Variants in RGS6 observed in about 807,000 individuals in gnomAD.
RGS6 encodes regulator of G protein signaling 6, also known as regulator of G-protein signaling 6.
In RGS6, 30 loss-of-function variants were observed where a neutral mutation model predicts 78.5. That is an observed-to-expected ratio of 0.38 (90% CI 0.29 to 0.52). The LOEUF (loss-of-function observed/expected upper bound fraction) is 0.52, where lower values mean the gene tolerates loss of function less well. Among genes scored for constraint, RGS6 ranks in the 20% least tolerant of loss-of-function variants. The pLI, the probability that RGS6 is intolerant of heterozygous loss-of-function variation, is 0.85. For missense variants in RGS6, 495 were observed against 609.7 expected, an observed-to-expected ratio of 0.81 and a Z score of 1.98; for synonymous variants, 206 against 206.0, an observed-to-expected ratio of 1.00 and a Z score of 0.00.
intron 2 of RGS6, among the ~76,000 whole-genome samples, chr14:72,025,819 C>T (rs1241059121): frequency 6.6e-6 from 1 of 151,998 alleles, no homozygotes; most frequent in African/African-American, 2.4e-5. Flanking sequence ...TTAGGAAGAC[C>T]CAAAGCTAGT....
At chr14:72,522,304 C>G (rs921405802) in intron 15 of RGS6, among the ~76,000 whole-genome samples, 2 of 152,136 alleles carry the variant, frequency 1.3e-5, no homozygotes, top group Non-Finnish European at 2.9e-5. Context: ...TCATTTGAAC[C>G]TAATTACCTC....
intron 1 of RGS6, among the ~76,000 whole-genome samples, chr14:71,938,274 C>T (rs1004398639): frequency 2.6e-5 from 4 of 152,212 alleles, no homozygotes; most frequent in Non-Finnish European, 4.4e-5. Context: ...CTTCCAAGTC[C>T]CTGACCATCC....
chr14:72,088,734 T>G (rs550831744), intron 2 of RGS6, among the ~76,000 whole-genome samples: 131 of 152,296 alleles, frequency 8.6e-4, no homozygotes, highest in African/African-American at 3.0e-3. Flanking sequence ...ACACTTTTTA[T>G]CCTGCAGTAG....
chr14:71,875,618 G>T, the RGS6 span, among the ~76,000 whole-genome samples: 2 of 152,024 alleles, frequency 1.3e-5, no homozygotes, highest in Non-Finnish European at 2.9e-5. Flanking sequence ...TTGATTTTTT[G>T]AAGGGTTTTT....
intron 2 of RGS6, among the ~76,000 whole-genome samples, chr14:72,208,680 A>G (rs1455453187): frequency 6.6e-6 from 1 of 152,170 alleles, no homozygotes; most frequent in African/African-American, 2.4e-5. Flanking sequence ...TACCTTGACT[A>G]TTTCAGCATA....
At chr14:71,967,432 G>C (rs906415251) in intron 2 of RGS6, among the ~76,000 whole-genome samples, 8 of 152,104 alleles carry the variant, frequency 5.3e-5, no homozygotes, top group African/African-American at 1.9e-4. Context: ...CTACAACCAA[G>C]AACTTACTTG....
At chr14:71,951,535 C>A (rs774043907) in intron 1 of RGS6, among the ~76,000 whole-genome samples, 1 of 152,050 alleles carries the variant, frequency 6.6e-6, no homozygotes, top group Admixed American at 6.5e-5. Flanking sequence ...CAAACCTGCA[C>A]GTCCTGCACA....
intron 3 of RGS6, among the ~76,000 whole-genome samples, chr14:72,411,360 G>A (rs929276355): frequency 6.6e-6 from 1 of 151,568 alleles, no homozygotes; most frequent in Non-Finnish European, 1.5e-5. Context: ...CTCATGATTT[G>A]GCTGTTTGTC....
rs562886516 is a variant in RGS6 at position 72,482,052 on chromosome 14, C to T, written c.854+3723C>T. ...GTCTCGATCTCCTGACGTCGTGATC[C>T]GCCCGCCTCGGCCTCCCAAAGTGCT... On this transcript the variant is annotated intron_variant, in intron 12 of 17. Transcript: ENST00000553525. Among the ~76,000 whole-genome samples, 34 of 152,154 alleles carry T rather than the reference C, an allele frequency of 2.2e-4. No homozygotes were observed. In the South Asian group the frequency reaches 2.9e-3, roughly 13 times the overall value.
chr14:72,283,209 T>G (rs950365046), intron 2 of RGS6, among the ~76,000 whole-genome samples: 7 of 152,260 alleles, frequency 4.6e-5, no homozygotes, highest in African/African-American at 1.7e-4. Context: ...ATATCTTGAC[T>G]ATTGTGAAGA....
intron 2 of RGS6, among the ~76,000 whole-genome samples, chr14:72,052,965 CTTTCTTTCTTTCTTTCTT>C (rs1567105605): frequency 2.5e-4 from 11 of 44,064 alleles, no homozygotes; most frequent in Admixed American, 2.4e-3. Flanking sequence ...TTCTTTCTTT[CTTTCTTTCTTTCTTTCTT>C]TCTCTCTCTC....
At chr14:71,887,476 T>A in the RGS6 span, among the ~76,000 whole-genome samples, 32 of 152,154 alleles carry the variant, frequency 2.1e-4, no homozygotes, top group Admixed American at 7.2e-4. Context: ...CTAAATTCTT[T>A]TCCTAGCAAG....
chr14:72,327,414 A>G (rs2074047553), intron 2 of RGS6, among the ~76,000 whole-genome samples: 1 of 152,224 alleles, frequency 6.6e-6, no homozygotes, highest in South Asian at 2.1e-4. Flanking sequence ...CTTTCCCCCC[A>G]GAATTAAAGT....
At chr14:71,990,759 C>G (rs576528414) in intron 2 of RGS6, 1 of 456,044 alleles carries the variant, frequency 2.2e-6, no homozygotes, top group East Asian at 7.0e-5. Flanking sequence ...TATCCTCTCT[C>G]CAAACTCCAA....
At chr14:71,876,333 A>G in the RGS6 span, among the ~76,000 whole-genome samples, 1 of 152,144 alleles carries the variant, frequency 6.6e-6, no homozygotes, top group African/African-American at 2.4e-5. Flanking sequence ...ATGCTCCTGT[A>G]TTGGGTGCAT....
At chr14:72,059,011 C>A (rs977190544) in intron 2 of RGS6, among the ~76,000 whole-genome samples, 1 of 152,178 alleles carries the variant, frequency 6.6e-6, no homozygotes, top group African/African-American at 2.4e-5. Context: ...TCAACTGATT[C>A]TTGTGCCTCA....
At chr14:72,503,361 A>C (rs923669301) in intron 13 of RGS6, among the ~76,000 whole-genome samples, 8 of 152,340 alleles carry the variant, frequency 5.3e-5, no homozygotes, top group Non-Finnish European at 7.3e-5. Flanking sequence ...ATTCCATCTC[A>C]GTAGTCCCCG....
chr14:71,965,342 G>A (rs1295075931), intron 2 of RGS6, among the ~76,000 whole-genome samples: 1 of 152,254 alleles, frequency 6.6e-6, no homozygotes, highest in African/African-American at 2.4e-5. Context: ...AGATGTGCAA[G>A]TAGAGTGTTA....
intron 17 of RGS6, chr14:72,541,611 C>T (rs2097328395): frequency 6.5e-7 from 1 of 1,535,490 alleles, no homozygotes; most frequent in African/African-American, 1.4e-5. Flanking sequence ...CCATGATGGC[C>T]TGAGAGAAGG....
Sources: allele counts gnomAD v4.1 joint callset (sites outside exome capture counted in the v4.1 genomes callset), GRCh38; gene constraint gnomAD v4.1.1; transcripts MANE v1.5; gene names NCBI Gene and HGNC (gene_info 2026-07-23, HGNC 2026-07-21).